Variants in EPHA5 observed in about 807,000 individuals in gnomAD.
The protein encoded by EPHA5 is ephrin type-A receptor 5.
Under a neutral mutation model 105.0 loss-of-function variants are expected in EPHA5, and 60 were observed. The ratio of observed to expected loss-of-function variants is 0.57; its 90% CI spans 0.46 to 0.71. The LOEUF is 0.71. EPHA5 is among the 30% of genes least tolerant of loss of function. The pLI is 0.00. For synonymous variants in EPHA5, 513 were observed against 449.1 expected, an observed-to-expected ratio of 1.14 and a Z score of -1.80; for missense variants, 1,218 against 1,274.7, an observed-to-expected ratio of 0.96 and a Z score of 0.68.
intron 3 of EPHA5, among the ~76,000 whole-genome samples, chr4:65,532,809 T>C (rs1735944103): frequency 6.6e-6 from 1 of 152,106 alleles, no homozygotes; most frequent in South Asian, 2.1e-4. Context: ...TCAAGTATTT[T>C]CCAGCTATAG....
At chr4:65,431,761 A>G (rs1174956293) in intron 5 of EPHA5, among the ~76,000 whole-genome samples, 1 of 152,182 alleles carries the variant, frequency 6.6e-6, no homozygotes, top group Non-Finnish European at 1.5e-5. Flanking sequence ...CAGATAGAGA[A>G]AGTTAGATCA....
rs1310227280 is a variant in EPHA5, at chr4:65,392,325, C to T, written c.1793+12049G>A. ...GTCACATCTATTGCTAACTCATAAG[C>T]TTCTGAGATTTACTTTTATTGAGCT... On this transcript the variant is annotated intron_variant, in intron 8 of 16. Coordinates refer to ENST00000613740, the MANE Select transcript of EPHA5 (RefSeq NM_001281766.3). Among the ~76,000 whole-genome samples the T allele has an allele frequency of 2.6e-5, 4 of 152,032 alleles. No individual in the cohort carries two copies. The East Asian group carries it at 7.7e-4, about 29-fold the overall frequency.
At chr4:65,449,874 T>G (rs1726909331) in intron 5 of EPHA5, among the ~76,000 whole-genome samples, 1 of 151,918 alleles carries the variant, frequency 6.6e-6, no homozygotes. Flanking sequence ...GAGGGAGGCC[T>G]GAAACAGGTC....
Position 65,398,936 on chromosome 4 carries a change from G to T in EPHA5, c.1793+5438C>A, listed in dbSNP as rs117941635. ...TGTCCATGTACCTCATTCTTCCTGA[G>T]CATGAGATAAGAACTTCTGACACTG... On this transcript the variant is annotated intron_variant, in intron 8 of 16. Transcript: ENST00000613740. Among the ~76,000 whole-genome samples, 154 of 152,282 alleles carry T rather than the reference G, an allele frequency of 1.0e-3. 3 individuals carry two copies. The East Asian group carries it at 0.026, about 26-fold the overall frequency.
chr4:65,352,256 A>C (rs1277702332), intron 12 of EPHA5, among the ~76,000 whole-genome samples: 2 of 151,992 alleles, frequency 1.3e-5, no homozygotes, highest in African/African-American at 4.8e-5. Context: ...AGGAAGAAAA[A>C]TTTGACTTTT....
At chr4:65,644,427 A>G (rs191279716) in intron 1 of EPHA5, among the ~76,000 whole-genome samples, 7 of 152,208 alleles carry the variant, frequency 4.6e-5, no homozygotes, top group African/African-American at 1.7e-4. Context: ...TGAGCCTGGA[A>G]TATGAACCTG....
intron 2 of EPHA5, among the ~76,000 whole-genome samples, chr4:65,613,422 AT>A (rs1744953801): frequency 6.6e-6 from 1 of 151,834 alleles, no homozygotes. Flanking sequence ...TAGTGTTGAT[AT>A]TTTTTATAGG....
At chr4:65,462,665 G>C (rs1728239657) in intron 5 of EPHA5, among the ~76,000 whole-genome samples, 1 of 152,152 alleles carries the variant, frequency 6.6e-6, no homozygotes. Flanking sequence ...TTTTCAGATA[G>C]TGGTGGTCTC....
chr4:65,386,402 A>G (rs1720092360), intron 8 of EPHA5, among the ~76,000 whole-genome samples: 1 of 152,014 alleles, frequency 6.6e-6, no homozygotes, highest in African/African-American at 2.4e-5. Flanking sequence ...CTAATTGTAC[A>G]GTAGTTCAGA....
intron 3 of EPHA5, among the ~76,000 whole-genome samples, chr4:65,570,536 T>C (rs1049407964): frequency 2.6e-5 from 4 of 151,816 alleles, no homozygotes; most frequent in African/African-American, 7.2e-5. Flanking sequence ...TTTAATATCT[T>C]AGTCAGCTTT....
At chr4:65,661,409 C>T (rs1255980615) in intron 1 of EPHA5, among the ~76,000 whole-genome samples, 2 of 152,102 alleles carry the variant, frequency 1.3e-5, no homozygotes, top group Admixed American at 6.6e-5. Context: ...TGCCTTCCCT[C>T]TTTCTAGAGA....
intron 5 of EPHA5, among the ~76,000 whole-genome samples, chr4:65,487,099 C>G (rs1395580853): frequency 6.6e-6 from 1 of 152,184 alleles, no homozygotes; most frequent in Non-Finnish European, 1.5e-5. Context: ...GCAGAAGCTG[C>G]TATGCTTCTT....
At chr4:65,376,089 C>T (rs1009176347) in intron 8 of EPHA5, among the ~76,000 whole-genome samples, 30 of 151,990 alleles carry the variant, frequency 2.0e-4, no homozygotes, top group African/African-American at 6.8e-4. Flanking sequence ...TCTGTATACA[C>T]TCATTCACAC....
At chr4:65,534,148 T>A (rs1171393080) in intron 3 of EPHA5, among the ~76,000 whole-genome samples, 2 of 152,186 alleles carry the variant, frequency 1.3e-5, no homozygotes, top group Non-Finnish European at 2.9e-5. Flanking sequence ...AGTTTCCAAC[T>A]GTGGATCATA....
At chr4:65,632,235 A>C (rs1212876910) in intron 2 of EPHA5, among the ~76,000 whole-genome samples, 1 of 152,120 alleles carries the variant, frequency 6.6e-6, no homozygotes. Context: ...AAGGATGCAA[A>C]TATTTATATA....
chr4:65,527,182 A>G (rs1735316957), intron 3 of EPHA5, among the ~76,000 whole-genome samples: 1 of 152,150 alleles, frequency 6.6e-6, no homozygotes, highest in African/African-American at 2.4e-5. Context: ...ATTCACATAT[A>G]TGTTGAGCCA....
chr4:65,331,183 A>C (rs918932934), intron 16 of EPHA5: 3 of 1,027,710 alleles, frequency 2.9e-6, no homozygotes, highest in Middle Eastern at 4.4e-4. Context: ...TTATATTCAC[A>C]GGTTAAAACA....
chr4:65,388,252 A>AT (rs1720331846), intron 8 of EPHA5, among the ~76,000 whole-genome samples: 2 of 150,936 alleles, frequency 1.3e-5, no homozygotes. Context: ...AGTCTTTGCT[A>AT]TTGTGAATAG....
chr4:65,614,772 T>C (rs1745077636), intron 2 of EPHA5, among the ~76,000 whole-genome samples: 1 of 151,808 alleles, frequency 6.6e-6, no homozygotes, highest in Non-Finnish European at 1.5e-5. Flanking sequence ...AGTAGCCAGC[T>C]TTGGGAAGTG....
Sources: allele counts gnomAD v4.1 joint callset (sites outside exome capture counted in the v4.1 genomes callset), GRCh38; gene constraint gnomAD v4.1.1; transcripts MANE v1.5; gene names NCBI Gene and HGNC (gene_info 2026-07-23, HGNC 2026-07-21).